Variants in HECTD2 observed in about 807,000 individuals in gnomAD.
The protein encoded by HECTD2 is probable E3 ubiquitin-protein ligase HECTD2.
In HECTD2, 35 loss-of-function variants were observed where a neutral mutation model predicts 103.2. The ratio of observed to expected loss-of-function variants is 0.34; its 90% confidence interval spans 0.26 to 0.45. The LOEUF (loss-of-function observed/expected upper bound fraction) is 0.45, where lower values mean the gene tolerates loss of function less well. Ranked by LOEUF, HECTD2 falls within the 20% of genes least tolerant of loss-of-function variation. The pLI is 1.00. For synonymous variants in HECTD2, 281 were observed against 329.9 expected (o/e 0.85, Z 1.61); for missense variants, 596 against 937.4 (o/e 0.64, Z 4.76).
intron 20 of HECTD2, among the ~76,000 whole-genome samples, chr10:91,511,403 C>T (rs956913033): frequency 3.3e-5 from 5 of 152,070 alleles, no homozygotes; most frequent in African/African-American, 4.8e-5. Flanking sequence ...TACTAAAAAC[C>T]GGAATAATAG....
At chr10:91,470,531 A>T (rs1845686771) in intron 5 of HECTD2, among the ~76,000 whole-genome samples, 2 of 152,180 alleles carry the variant, frequency 1.3e-5, no homozygotes, top group Admixed American at 1.3e-4. Flanking sequence ...ACATACCAGA[A>T]TCTCTGGGAC....
intron 20 of HECTD2, among the ~76,000 whole-genome samples, chr10:91,506,508 A>G (rs1388399581): frequency 6.6e-6 from 1 of 152,102 alleles, no homozygotes; most frequent in Admixed American, 6.5e-5. Context: ...CTACGCAAAT[A>G]AACTAGAAAA....
At chr10:91,417,352 G>C (rs1376586219) in intron 1 of HECTD2, among the ~76,000 whole-genome samples, 2 of 151,722 alleles carry the variant, frequency 1.3e-5, no homozygotes, top group Non-Finnish European at 2.9e-5. Context: ...TTTAGAGACT[G>C]CATTTATTCA....
chr10:91,500,310 A>G (rs747147243), intron 18 of HECTD2, among the ~76,000 whole-genome samples, 192 bp from the exon 19 acceptor site: 6 of 152,246 alleles, frequency 3.9e-5, no homozygotes, highest in Non-Finnish European at 5.9e-5. Context: ...TACAAGATCT[A>G]TAAACTTCGG....
chr10:91,422,233 A>G (rs1843387145), intron 1 of HECTD2, among the ~76,000 whole-genome samples: 1 of 152,202 alleles, frequency 6.6e-6, no homozygotes, highest in East Asian at 1.9e-4. Flanking sequence ...TTGCTGGACC[A>G]TTCTCCCTTT....
rs557897460 is a variant in HECTD2, at chr10:91,499,205, T to G, written c.1950+55T>G. On this transcript the variant is annotated intron_variant, in intron 18 of 20. Coordinates refer to ENST00000298068, the MANE Select transcript of HECTD2 (RefSeq NM_182765.6). ...GGTTAGCTTTTGTAGTACTATCATG[T>G]TAACAAATAATTAATAAATATTTTA... is the stretch of plus-strand genomic sequence containing the variant. 4 of 888,180 alleles carry G rather than the reference T, an allele frequency of 4.5e-6. No homozygotes were observed. The African/African-American group carries it at 6.8e-5, about 15-fold the overall frequency. 55.0% of individuals were successfully genotyped at this position (888,180 alleles called of 1,614,324 possible). A position where few individuals can be genotyped will look rare whatever the true frequency, so the allele number is the denominator to read the frequency against.
chr10:91,450,224 A>T (rs530024267), intron 2 of HECTD2, among the ~76,000 whole-genome samples: 67 of 152,276 alleles, frequency 4.4e-4, no homozygotes, highest in African/African-American at 1.4e-3. Flanking sequence ...AATGCCACAC[A>T]TCTACAGTAA....
intron 5 of HECTD2, among the ~76,000 whole-genome samples, chr10:91,472,022 TAAC>T (rs1305643972): frequency 2.0e-5 from 3 of 152,180 alleles, no homozygotes; most frequent in Non-Finnish European, 4.4e-5. Context: ...TTAAAAAAGA[TAAC>T]AAAGCTGGAG....
At position 91,410,361 on chromosome 10, in the gene HECTD2, G is replaced by A. The variant is rs1173585288; in HGVS notation, c.-78G>A. On this transcript the variant is annotated 5_prime_UTR_variant, in exon 1 of 21. Transcript: ENST00000298068. ...GGCAGCCCAGAGCCCTCTCGCGGCC[G>A]CGGCGGCAGCAGCAGCGCCAGCCCC... 37 of 959,550 alleles carry A rather than the reference G, an allele frequency of 3.9e-5. No homozygotes were observed. Among genetic ancestry groups the A allele is most frequent in the Non-Finnish European group, 4.8e-5 (36 of 750,106 alleles). 59.4% of individuals were successfully genotyped at this position (959,550 alleles called of 1,614,324 possible). A position where few individuals can be genotyped will look rare whatever the true frequency, so the allele number is the denominator to read the frequency against.
intron 6 of HECTD2, among the ~76,000 whole-genome samples, chr10:91,479,809 TA>T (rs1438364703): frequency 6.6e-6 from 1 of 152,200 alleles, no homozygotes; most frequent in Admixed American, 6.5e-5. Flanking sequence ...ACTTCATTGG[TA>T]TCTTCTTTTA....
chr10:91,485,241 A>T lies in HECTD2; in HGVS notation c.1032A>T (p.Thr344=). ...LIPYTDFYNS[T]LDHIDLMEEY... is the part of the protein sequence containing the mutation. ...CTTATACTGATTTCTATAATTCTAC[A>T]TTGGATCACATTGATCTCATGGAAG... The change falls in exon 10 of 21, where the codon ACA becomes ACT. Residue 344 remains threonine (T), a synonymous_variant. Transcript: ENST00000298068. 1 of 1,588,574 alleles carries T rather than the reference A, an allele frequency of 6.3e-7. No homozygotes were observed. Among genetic ancestry groups the T allele is most frequent in the Non-Finnish European group, 8.6e-7 (1 of 1,164,716 alleles).
chr10:91,499,425 G>A (rs989208722), intron 18 of HECTD2, among the ~76,000 whole-genome samples: 1 of 152,006 alleles, frequency 6.6e-6, no homozygotes, highest in African/African-American at 2.4e-5. Flanking sequence ...AGGGATCCAT[G>A]GACTCAGGAT....
chr10:91,454,983 G>A (rs984225147), intron 2 of HECTD2, among the ~76,000 whole-genome samples: 2 of 152,202 alleles, frequency 1.3e-5, no homozygotes, highest in South Asian at 4.2e-4. Context: ...TGGACATTTG[G>A]GTTAGTTCCA....
intron 2 of HECTD2, among the ~76,000 whole-genome samples, chr10:91,457,660 T>TA (rs1406593875): frequency 3.3e-5 from 5 of 152,056 alleles, no homozygotes; most frequent in Non-Finnish European, 7.4e-5. Flanking sequence ...TTTTACTTGA[T>TA]AAACAGCATC....
At chr10:91,461,494 C>T (rs1845347291) in intron 4 of HECTD2, 138 bp downstream of exon 4, 5 of 422,324 alleles carry the variant, frequency 1.2e-5, no homozygotes, top group Non-Finnish European at 2.1e-5. Context: ...TTATACAATA[C>T]ATACAATTAT....
intron 2 of HECTD2, among the ~76,000 whole-genome samples, chr10:91,432,976 T>G (rs1490533695): frequency 1.3e-5 from 2 of 151,968 alleles, no homozygotes; most frequent in African/African-American, 4.8e-5. Context: ...TAAGAGCAAC[T>G]TGAGGGGCAG....
At chr10:91,421,039 C>T (rs143873838) in intron 1 of HECTD2, among the ~76,000 whole-genome samples, 5 of 152,150 alleles carry the variant, frequency 3.3e-5, no homozygotes, top group Non-Finnish European at 2.9e-5. Context: ...TTCTTCCCCC[C>T]CTCAGGCTTT....
intron 20 of HECTD2, among the ~76,000 whole-genome samples, chr10:91,504,218 G>A (rs937795816): frequency 2.1e-4 from 32 of 152,286 alleles, no homozygotes; most frequent in African/African-American, 5.3e-4. Flanking sequence ...AAATCAGAGC[G>A]CCTCTCCTCC....
chr10:91,454,629 TTACA>T (rs967216191), intron 2 of HECTD2, among the ~76,000 whole-genome samples: 8 of 152,066 alleles, frequency 5.3e-5, no homozygotes, highest in Non-Finnish European at 4.4e-5. Flanking sequence ...TGTAGGTTTG[TTACA>T]TATGTATACA....
Sources: allele counts gnomAD v4.1 joint callset (sites outside exome capture counted in the v4.1 genomes callset), GRCh38; gene constraint gnomAD v4.1.1; transcripts MANE v1.5; gene names NCBI Gene and HGNC (gene_info 2026-07-23, HGNC 2026-07-21).